Variants in VBP1 observed in about 807,000 individuals in gnomAD.
The protein encoded by VBP1 is VHL binding protein 1.
VBP1 carries 4 observed loss-of-function variants against 15.5 expected under a neutral mutation model. The ratio of observed to expected loss-of-function variants is 0.26; its 90% CI spans 0.13 to 0.59. The LOEUF is 0.59. Among genes scored for constraint, VBP1 ranks in the 20% least tolerant of loss-of-function variants. VBP1 has a pLI of 0.90. For synonymous variants in VBP1, 61 were observed against 52.1 expected (o/e 1.17, Z -0.74); for missense variants, 108 against 139.6 (o/e 0.77, Z 1.14).
intron 1 of VBP1, among the ~76,000 whole-genome samples, chrX:155,208,374 A>C (rs2074633120): frequency 8.9e-6 from 1 of 112,534 alleles, no homozygotes; most frequent in Non-Finnish European, 1.9e-5. Context: ...CGCTTCCTTC[A>C]CTACTTTCAT....
chrX:155,206,670 G>T (rs2074627636), intron 1 of VBP1, among the ~76,000 whole-genome samples: 1 of 110,824 alleles, frequency 9.0e-6, no homozygotes, highest in East Asian at 2.8e-4. Flanking sequence ...GGGGTGAGTG[G>T]AGAATGAGCC....
At chrX:155,214,916 T>C (rs781901949), upstream of VBP1, among the ~76,000 whole-genome samples, 14 of 110,417 alleles carry the variant, frequency 1.3e-4, no homozygotes, top group East Asian at 3.4e-3. Flanking sequence ...AGGAAATATA[T>C]TCAGCAGTAT....
At chrX:155,224,747 A>G (rs1176406911) in intron 2 of VBP1, among the ~76,000 whole-genome samples, 3 of 112,114 alleles carry the variant, frequency 2.7e-5, no homozygotes, top group Non-Finnish European at 5.6e-5. Flanking sequence ...TGAATCTGAG[A>G]TCTTTTATCT....
intron 4 of VBP1, among the ~76,000 whole-genome samples, chrX:155,233,301 T>C (rs1432529255): frequency 8.9e-6 from 1 of 111,890 alleles, no homozygotes; most frequent in Non-Finnish European, 1.9e-5. Flanking sequence ...GAGGTCCCTG[T>C]TTCCTTGCTG....
At chrX:155,215,718 A>C (rs1325636515), upstream of VBP1, among the ~76,000 whole-genome samples, 2 of 112,110 alleles carry the variant, frequency 1.8e-5, no homozygotes, top group Non-Finnish European at 3.8e-5. Context: ...GAAATAAAGC[A>C]CAGAAAAGAG....
At chrX:155,203,697 C>T (rs1557307809) in intron 1 of VBP1, among the ~76,000 whole-genome samples, 9 of 109,026 alleles carry the variant, frequency 8.3e-5, no homozygotes, top group Non-Finnish European at 1.9e-5. Flanking sequence ...CAGCGTGGCA[C>T]ATGTATACAT....
intron 1 of VBP1, among the ~76,000 whole-genome samples, chrX:155,199,479 C>T (rs1557307109): frequency 8.9e-6 from 1 of 111,843 alleles, no homozygotes; most frequent in Non-Finnish European, 1.9e-5. Flanking sequence ...AAAGAATTTT[C>T]AACCCAGAAT....
At chrX:155,226,355 C>G (rs1487129682) in intron 2 of VBP1, among the ~76,000 whole-genome samples, 1 of 111,880 alleles carries the variant, frequency 8.9e-6, no homozygotes, top group African/African-American at 3.3e-5. Context: ...TAGCATTTTG[C>G]TAGTAGCTAT....
At chrX:155,228,315 C>T in intron 3 of VBP1, 69 bp from the exon 4 acceptor site, 1 of 845,134 alleles carries the variant, frequency 1.2e-6, no homozygotes, top group South Asian at 2.3e-5. Context: ...ACTGTGCAAT[C>T]TCTCCTTTAT....
chrX:155,227,685 C>A (rs942783484), intron 3 of VBP1, among the ~76,000 whole-genome samples: 1 of 112,166 alleles, frequency 8.9e-6, no homozygotes, highest in South Asian at 3.7e-4. Flanking sequence ...AGAGCTGGAA[C>A]GAATCTTAGA....
At chrX:155,210,169 G>A (rs782640217) in intron 2 of VBP1, among the ~76,000 whole-genome samples, 4 of 111,601 alleles carry the variant, frequency 3.6e-5, no homozygotes, top group East Asian at 5.6e-4. Flanking sequence ...GTGTCAGCCC[G>A]GTGCAGTGGC....
intron 2 of VBP1, among the ~76,000 whole-genome samples, chrX:155,220,620 A>T (rs2074684730): frequency 8.9e-6 from 1 of 111,831 alleles, no homozygotes; most frequent in African/African-American, 3.3e-5. Flanking sequence ...TGCCAGTGAG[A>T]TTAGAGACCC....
chrX:155,225,262 C>T (rs781976156), intron 2 of VBP1, among the ~76,000 whole-genome samples: 4 of 111,643 alleles, frequency 3.6e-5, no homozygotes, highest in Admixed American at 1.9e-4. Flanking sequence ...GGCGCTACCT[C>T]GGCTCACTGC....
rs1364437980 is a variant in VBP1, at chrX:155,231,367, TAG to T, written c.384+2886_384+2887del. ...CCTTTGAGTTCTCAGTTCTGATTGT[TAG>T]CTCCCCCAGGGACCTGCTATGACTT... On this transcript the variant is annotated intron_variant, in intron 4 of 5. Coordinates refer to ENST00000286428, the MANE Select transcript of VBP1 (RefSeq NM_003372.7). 1.2e-4 allele frequency among the ~76,000 whole-genome samples: 14 copies of T among 112,389 alleles called. No homozygotes were observed. The East Asian group carries it at 3.7e-3, about 29-fold the overall frequency.
In VBP1 at chrX:155,228,603, T is replaced by G. The variant is rs1223846108; in HGVS notation, c.384+121T>G. The G allele has an allele frequency of 1.3e-5, 7 of 546,755 alleles. No homozygotes were observed. In the Admixed American group the frequency reaches 1.5e-4, roughly 12 times the overall value. 45.1% of individuals were successfully genotyped at this position (546,755 alleles called of 1,213,427 possible). A position where few individuals can be genotyped will look rare whatever the true frequency, so the allele number is the denominator to read the frequency against. On this transcript the variant is annotated intron_variant, in intron 4 of 5. Transcript: ENST00000286428. ...GTAGTATTGCTCGAGATATGTAAAG[T>G]GTTCATCTCCTTTTGATTGTGGAAG...
rs112200667 is a variant in VBP1, at chrX:155,217,926, A to G, written c.93+1351A>G. On this transcript the variant is annotated intron_variant, in intron 1 of 5. Coordinates refer to ENST00000286428, the MANE Select transcript of VBP1 (RefSeq NM_003372.7). The stretch of plus-strand genomic sequence containing the variant: ...CTCTGCTACTGGGAGGAGGTGAGGT[A>G]GTTCTCATGAATCGCCCTACTTCTC... Among the ~76,000 whole-genome samples the G allele has an allele frequency of 1.0e-2, 1,109 of 111,290 alleles. 13 individuals are homozygous for G. Among genetic ancestry groups the G allele is most frequent in the African/African-American group, 0.035 (1,056 of 30,503 alleles).
At chrX:155,235,116 ATGTGTG>A (rs112094871) in intron 4 of VBP1, among the ~76,000 whole-genome samples, 13 of 97,424 alleles carry the variant, frequency 1.3e-4, no homozygotes, top group Non-Finnish European at 1.7e-4. Flanking sequence ...GTGTGTGTGT[ATGTGTG>A]TGTGTGTGTG....
intron 4 of VBP1, among the ~76,000 whole-genome samples, chrX:155,232,958 CATG>C (rs1312233309): frequency 8.9e-6 from 1 of 112,614 alleles, no homozygotes; most frequent in African/African-American, 3.2e-5. Flanking sequence ...ATGAGTAAAT[CATG>C]ATGTGTTCAG....
intron 4 of VBP1, among the ~76,000 whole-genome samples, chrX:155,235,164 A>G (rs2074766271): frequency 9.2e-6 from 1 of 108,695 alleles, no homozygotes; most frequent in Admixed American, 9.9e-5. Context: ...CATGTGTCAC[A>G]TTTCAGGAAC....
Sources: allele counts gnomAD v4.1 joint callset (sites outside exome capture counted in the v4.1 genomes callset), GRCh38; gene constraint gnomAD v4.1.1; transcripts MANE v1.5; gene names NCBI Gene and HGNC (gene_info 2026-07-23, HGNC 2026-07-21).